SYCP1: variants seen among roughly 807,000 people sequenced by gnomAD.
The protein encoded by SYCP1 is synaptonemal complex protein 1.
Under a neutral mutation model 153.1 loss-of-function variants are expected in SYCP1, and 64 were observed. The observed-to-expected ratio is 0.42, with a 90% CI of 0.34 to 0.51. SYCP1 has a LOEUF of 0.51. Ranked by LOEUF, SYCP1 falls within the 20% of genes least tolerant of loss-of-function variation. The pLI is 0.06. For missense variants in SYCP1, 997 were observed against 1,049.0 expected, an observed-to-expected ratio of 0.95 and a Z score of 0.68; for synonymous variants, 384 against 341.8, an observed-to-expected ratio of 1.12 and a Z score of -1.36.
At chr1:114,875,507 C>T (rs1665460756) in intron 9 of SYCP1, among the ~76,000 whole-genome samples, 1 of 152,080 alleles carries the variant, frequency 6.6e-6, no homozygotes, top group Admixed American at 6.6e-5. Context: ...GATCCGCCCG[C>T]CTCGGCCTCC....
chr1:114,901,889 T>G (rs1667471290), intron 16 of SYCP1, among the ~76,000 whole-genome samples: 1 of 152,232 alleles, frequency 6.6e-6, no homozygotes, highest in South Asian at 2.1e-4. Flanking sequence ...GATGCTGGGC[T>G]GTGTTAACTG....
At chr1:114,867,549 C>A (rs72694068) in intron 8 of SYCP1, among the ~76,000 whole-genome samples, 1 of 151,690 alleles carries the variant, frequency 6.6e-6, no homozygotes, top group Non-Finnish European at 1.5e-5. Context: ...TTTCAAATTC[C>A]GCTTATTCAT....
At chr1:114,892,183 G>A (rs1266523879) in intron 15 of SYCP1, among the ~76,000 whole-genome samples, 2 of 152,088 alleles carry the variant, frequency 1.3e-5, no homozygotes, top group East Asian at 1.9e-4. Flanking sequence ...GATAGTCCTC[G>A]TGGGCCTATC....
chr1:114,933,783 C>T (rs1442486061), intron 23 of SYCP1, among the ~76,000 whole-genome samples: 3 of 151,914 alleles, frequency 2.0e-5, no homozygotes, highest in African/African-American at 4.8e-5. Context: ...GTAGCTGATT[C>T]GATCAAGTGG....
intron 12 of SYCP1, among the ~76,000 whole-genome samples, chr1:114,882,760 T>G (rs1467436449): frequency 1.3e-5 from 2 of 152,156 alleles, no homozygotes; most frequent in African/African-American, 2.4e-5. Flanking sequence ...TTTCCCCCCA[T>G]GCACATGATA....
intron 23 of SYCP1, among the ~76,000 whole-genome samples, chr1:114,942,756 C>T (rs536955517): frequency 6.6e-6 from 1 of 151,842 alleles, no homozygotes; most frequent in African/African-American, 2.4e-5. Flanking sequence ...ATCTTTGTGA[C>T]CTGGTAGTAA....
At chr1:114,916,582 G>A (rs1449082626) in intron 20 of SYCP1, among the ~76,000 whole-genome samples, 1 of 150,320 alleles carries the variant, frequency 6.7e-6, no homozygotes, top group African/African-American at 2.4e-5. Context: ...AAGCTTTCAA[G>A]TTTGATTTTA....
At position 114,876,772 on chromosome 1, in the gene SYCP1, C is replaced by A. The variant is rs866239454; in HGVS notation, c.763C>A (p.Gln255Lys). 7.2e-7 allele frequency: 1 copy of A among 1,393,768 alleles called. No individual in the cohort carries two copies. Among genetic ancestry groups the A allele is most frequent in the East Asian group, 2.8e-5 (1 of 35,226 alleles). The allele number at this position is 1,393,768 out of a possible 1,614,324, so 86.3% of individuals were successfully genotyped here. ...TTATGAAAAAATCCAACACCTTGAA[C>A]AAGAATACAAGAAGGAAATAAATGA... ...EDYEKIQHLE[Q>K]EYKKEINDKE... Residue 255 changes from glutamine to lysine, a missense_variant, in exon 11 of 32, where the codon CAA becomes AAA. Transcript: ENST00000369522.
chr1:114,960,436 G>A (rs1486177680), intron 27 of SYCP1, among the ~76,000 whole-genome samples: 1 of 152,140 alleles, frequency 6.6e-6, no homozygotes, highest in Non-Finnish European at 1.5e-5. Flanking sequence ...CCTAAGTGCT[G>A]GGATTACGGG....
intron 27 of SYCP1, among the ~76,000 whole-genome samples, chr1:114,954,200 T>G (rs201987186): frequency 6.6e-6 from 1 of 152,208 alleles, no homozygotes; most frequent in Non-Finnish European, 1.5e-5. Flanking sequence ...TGCCAACTTA[T>G]CATTTTTTTG....
At chr1:114,871,680 C>T (rs1665138235) in intron 8 of SYCP1, among the ~76,000 whole-genome samples, 2 of 152,226 alleles carry the variant, frequency 1.3e-5, no homozygotes, top group African/African-American at 4.8e-5. Flanking sequence ...TCAAGTGATT[C>T]TCCTGCCTCA....
chr1:114,891,277 T>C (rs1394449421), intron 15 of SYCP1, among the ~76,000 whole-genome samples: 1 of 152,220 alleles, frequency 6.6e-6, no homozygotes, highest in Non-Finnish European at 1.5e-5. Flanking sequence ...TTGTATCTTT[T>C]AGGTCAGACG....
intron 23 of SYCP1, among the ~76,000 whole-genome samples, chr1:114,931,072 C>T (rs1362105577): frequency 6.6e-6 from 1 of 151,538 alleles, no homozygotes; most frequent in African/African-American, 2.4e-5. Context: ...CAGAATTGAA[C>T]ACTTATTCAT....
At chr1:114,960,485 G>A (rs1010287930) in intron 27 of SYCP1, among the ~76,000 whole-genome samples, 2 of 151,916 alleles carry the variant, frequency 1.3e-5, no homozygotes, top group Non-Finnish European at 2.9e-5. Context: ...AGTTTTTTGA[G>A]GAACCTCCAC....
chr1:114,905,769 A>G (rs1185848892), intron 16 of SYCP1, among the ~76,000 whole-genome samples: 2 of 152,180 alleles, frequency 1.3e-5, no homozygotes, highest in African/African-American at 4.8e-5. Context: ...TTATAGAACT[A>G]TGCAGGTTAC....
At chr1:114,955,281 C>G (rs1671364221) in intron 27 of SYCP1, among the ~76,000 whole-genome samples, 1 of 151,874 alleles carries the variant, frequency 6.6e-6, no homozygotes, top group South Asian at 2.1e-4. Flanking sequence ...GAGTGAGAAA[C>G]AGGGAGAGAG....
chr1:114,960,495 C>G (rs1021691090), intron 27 of SYCP1, among the ~76,000 whole-genome samples: 1 of 152,070 alleles, frequency 6.6e-6, no homozygotes, highest in African/African-American at 2.4e-5. Flanking sequence ...GGAACCTCCA[C>G]AGTGGTTGTA....
rs139562880 is a variant in SYCP1 at position 114,960,736 on chromosome 1, T to C, written c.2322+13416T>C. Among the ~76,000 whole-genome samples, 545 of 152,318 alleles carry C rather than the reference T, an allele frequency of 3.6e-3. 5 individuals carry two copies. The highest frequency in any genetic ancestry group is 0.012 in the African/African-American group (511 of 41,572). On this transcript the variant is annotated intron_variant, in intron 27 of 31. Transcript: ENST00000369522. ...TGAGAAATGTATTATCTTTTTGATA[T>C]GCTGTTAGACTCGGTTAGCTAGTAT... is the stretch of plus-strand genomic sequence containing the variant.
chr1:114,886,120 T>C lies in SYCP1; in HGVS notation c.1006-5T>C. The C allele has an allele frequency of 6.4e-7, 1 of 1,573,304 alleles. No individual in the cohort carries two copies. The highest frequency in any genetic ancestry group is 8.6e-7 in the Non-Finnish European group (1 of 1,163,554). ...TGCTCTTGTTTTATACTTTATTTCA[T>C]TTAGAGTACTCAAAAGGCTTTAGAG... On this transcript the variant is annotated splice_polypyrimidine_tract_variant and splice_region_variant and intron_variant, in intron 13 of 31. Coordinates refer to ENST00000369522, the MANE Select transcript of SYCP1 (RefSeq NM_003176.4).
Sources: allele counts gnomAD v4.1 joint callset (sites outside exome capture counted in the v4.1 genomes callset), GRCh38; gene constraint gnomAD v4.1.1; transcripts MANE v1.5; gene names NCBI Gene and HGNC (gene_info 2026-07-23, HGNC 2026-07-21).